The following MAP2K4 variants were observed in gnomAD, a reference collection of about 807,000 sequenced individuals.
MAP2K4 encodes the protein mitogen-activated protein kinase kinase 4.
Under a neutral mutation model 48.5 loss-of-function variants are expected in MAP2K4, and 4 were observed. That is an observed-to-expected ratio of 0.08 (90% CI 0.04 to 0.19). MAP2K4 has a LOEUF of 0.19. Among genes scored for constraint, MAP2K4 ranks in the 10% least tolerant of loss-of-function variants. The pLI, the probability that MAP2K4 is intolerant of heterozygous loss-of-function variation, is 1.00. For missense variants in MAP2K4, 258 were observed against 493.3 expected, an observed-to-expected ratio of 0.52 and a Z score of 4.52; for synonymous variants, 166 against 173.1, an observed-to-expected ratio of 0.96 and a Z score of 0.32.
chr17:12,096,925 A>G (rs115114002), intron 4 of MAP2K4, among the ~76,000 whole-genome samples: 48 of 152,164 alleles, frequency 3.2e-4, no homozygotes, highest in African/African-American at 1.2e-3. Flanking sequence ...GTTTTTTTCT[A>G]TTCCTGTCTT....
intron 1 of MAP2K4, among the ~76,000 whole-genome samples, chr17:12,047,940 G>T (rs1970018183): frequency 6.6e-6 from 1 of 152,172 alleles, no homozygotes. Flanking sequence ...TAGTGTTCCA[G>T]TGGTATTTAT....
intron 7 of MAP2K4, among the ~76,000 whole-genome samples, chr17:12,114,172 T>C (rs28923225): frequency 1.3e-5 from 2 of 152,330 alleles, no homozygotes; most frequent in Admixed American, 6.5e-5. Context: ...AATTGTTCTT[T>C]CTTGGTTTCC....
chr17:12,038,731 G>T (rs1170743667), intron 1 of MAP2K4, among the ~76,000 whole-genome samples: 3 of 152,140 alleles, frequency 2.0e-5, no homozygotes, highest in Non-Finnish European at 4.4e-5. Flanking sequence ...GCCTTATGAA[G>T]TAGGTATAAT....
At chr17:12,113,499 C>G in intron 7 of MAP2K4, 139 bp downstream of exon 7, 5 of 946,194 alleles carry the variant, frequency 5.3e-6, no homozygotes, top group Non-Finnish European at 7.5e-6. Context: ...AAGCTCAGGT[C>G]CTAGCCTCTC....
intron 4 of MAP2K4, 135 bp downstream of exon 4, chr17:12,095,829 GGTA>G: frequency 8.8e-7 from 1 of 1,135,900 alleles, no homozygotes; most frequent in Non-Finnish European, 1.3e-6. Context: ...GTTTAACCAT[GGTA>G]ATTTACATAT....
chr17:12,039,815 T>C (rs1969719213), intron 1 of MAP2K4, among the ~76,000 whole-genome samples: 1 of 152,196 alleles, frequency 6.6e-6, no homozygotes, highest in African/African-American at 2.4e-5. Flanking sequence ...TTCCCTCTTC[T>C]CTCTTTTCCT....
At chr17:12,063,505 A>T (rs1378770713) in intron 2 of MAP2K4, among the ~76,000 whole-genome samples, 1 of 152,220 alleles carries the variant, frequency 6.6e-6, no homozygotes, top group Admixed American at 6.5e-5. Context: ...TGGATCATTG[A>T]CCTAAAAGTA....
At chr17:12,030,535 T>G (rs2151509149) in intron 1 of MAP2K4, among the ~76,000 whole-genome samples, 1 of 152,340 alleles carries the variant, frequency 6.6e-6, no homozygotes, top group East Asian at 1.9e-4. Flanking sequence ...TTTTAACACT[T>G]AAACTGGCGC....
chr17:12,123,877 T>C (rs1348880681), intron 7 of MAP2K4, among the ~76,000 whole-genome samples: 1 of 152,210 alleles, frequency 6.6e-6, no homozygotes, highest in East Asian at 1.9e-4. Context: ...TTTTGTGATC[T>C]GAGAACATGC....
intron 1 of MAP2K4, among the ~76,000 whole-genome samples, chr17:12,027,922 G>T (rs764144311): frequency 5.9e-5 from 9 of 152,098 alleles, no homozygotes; most frequent in Non-Finnish European, 8.8e-5. Flanking sequence ...AGAAAGATAG[G>T]GAAGGTGCCA....
At chr17:12,133,550 C>T (rs566065284) in intron 9 of MAP2K4, among the ~76,000 whole-genome samples, 2 of 152,296 alleles carry the variant, frequency 1.3e-5, no homozygotes, top group African/African-American at 2.4e-5. Flanking sequence ...CCTCAGATCT[C>T]AGCCCATATT....
intron 9 of MAP2K4, among the ~76,000 whole-genome samples, chr17:12,138,821 G>C (rs1290924860): frequency 6.6e-6 from 1 of 152,168 alleles, no homozygotes; most frequent in African/African-American, 2.4e-5. Flanking sequence ...GAAGGCCTCA[G>C]CCAACTCTGT....
intron 1 of MAP2K4, among the ~76,000 whole-genome samples, chr17:12,051,945 C>T (rs1225067881): frequency 1.3e-5 from 2 of 151,738 alleles, no homozygotes; most frequent in Admixed American, 6.6e-5. Flanking sequence ...AAAGCTCATG[C>T]CTCCAGGTAG....
At chr17:12,091,100 G>C (rs1297068532) in intron 3 of MAP2K4, among the ~76,000 whole-genome samples, 2 of 152,174 alleles carry the variant, frequency 1.3e-5, no homozygotes, top group East Asian at 1.9e-4. Context: ...AGGACACCTA[G>C]AACAGCACCA....
At chr17:12,056,611 A>C (rs1456468146) in intron 2 of MAP2K4, among the ~76,000 whole-genome samples, 1 of 152,062 alleles carries the variant, frequency 6.6e-6, no homozygotes, top group African/African-American at 2.4e-5. Context: ...AAAATTTTAG[A>C]CCCAGACTTT....
In MAP2K4 at chr17:12,111,980, T is replaced by A. The variant is rs73300463; in HGVS notation, c.686-1253T>A. Among the ~76,000 whole-genome samples the A allele has an allele frequency of 5.7e-3, 866 of 152,282 alleles. 10 individuals carry two copies. The highest frequency in any genetic ancestry group is 0.02 in the African/African-American group (823 of 41,560). On this transcript the variant is annotated intron_variant, in intron 6 of 10. Coordinates refer to ENST00000353533, the MANE Select transcript of MAP2K4 (RefSeq NM_003010.4). ...GTGCTGTGCAGCTCTGTAGGGAGTA[T>A]GGAAACTTTTCCCACGTCTCTAATA...
chr17:12,033,941 C>A (rs918803256), intron 1 of MAP2K4, among the ~76,000 whole-genome samples: 1 of 152,024 alleles, frequency 6.6e-6, no homozygotes, highest in African/African-American at 2.4e-5. Flanking sequence ...AGGTATATGC[C>A]ACCACACCCA....
intron 1 of MAP2K4, among the ~76,000 whole-genome samples, chr17:12,029,174 G>T (rs1247215811): frequency 1.3e-5 from 2 of 152,110 alleles, no homozygotes; most frequent in Non-Finnish European, 2.9e-5. Flanking sequence ...AGGTAAGAGG[G>T]TGAGAATGAG....
chr17:12,127,923 TTCTC>T (rs1434314913), intron 8 of MAP2K4, among the ~76,000 whole-genome samples: 1 of 152,096 alleles, frequency 6.6e-6, no homozygotes, highest in Admixed American at 6.6e-5. Flanking sequence ...GTTCTGAGAG[TTCTC>T]TCTCTCTTCC....
Sources: gnomAD v4.1 joint callset for allele counts (sites outside exome capture counted in the v4.1 genomes callset) on GRCh38, gnomAD v4.1.1 for gene constraint, MANE v1.5 for transcripts, NCBI Gene and HGNC (gene_info 2026-07-23, HGNC 2026-07-21) for gene names.